IGSF8: variants seen among roughly 807,000 people sequenced by gnomAD.
IGSF8 encodes the protein CD81 partner 3.
In IGSF8, 46 loss-of-function variants were observed where a neutral mutation model predicts 55.5. That is an observed-to-expected ratio of 0.83 (90% CI 0.65 to 1.06). The LOEUF is 1.06. Ranked by LOEUF, IGSF8 falls within the 50% of genes least tolerant of loss-of-function variation. IGSF8 has a pLI of 0.00. For synonymous variants in IGSF8, 314 were observed against 356.1 expected, an observed-to-expected ratio of 0.88 and a Z score of 1.33; for missense variants, 731 against 832.3, an observed-to-expected ratio of 0.88 and a Z score of 1.50.
At chr1:160,092,030 C>T in intron 5 of IGSF8, 92 bp from the exon 6 acceptor site, 1 of 929,886 alleles carries the variant, frequency 1.1e-6, no homozygotes, top group Non-Finnish European at 1.7e-6. Context: ...TTCTCTGAAC[C>T]CACCTTCTCC....
At position 160,093,109 on chromosome 1, in the gene IGSF8, C is replaced by A; in HGVS notation, c.1127G>T (p.Gly376Val). 6.2e-7 allele frequency: 1 copy of A among 1,613,856 alleles called. No individual in the cohort carries two copies. Among genetic ancestry groups the A allele is most frequent in the Non-Finnish European group, 8.5e-7 (1 of 1,179,784 alleles). ...CACCTTCTCCATGGCAATGTGTCGG[C>A]CCTCATAGCCAGGGCCCAGGCTGCC... The part of the protein sequence containing the change: ...GVGSLGPGYE[G>V]RHIAMEKVAS... Residue 376 changes from glycine to valine, a missense_variant, in exon 4 of 7, where the codon GGC becomes GTC. Gly to Val is a moderately radical substitution (Grantham distance 109, BLOSUM62 -3). Coordinates refer to ENST00000314485, the MANE Select transcript of IGSF8 (RefSeq NM_052868.6).
chr1:160,098,036 G>C, intron 1 of IGSF8: 1 of 962,286 alleles, frequency 1.0e-6, no homozygotes, highest in Non-Finnish European at 1.2e-6. Flanking sequence ...TGCCCTCGTA[G>C]GGCGGGCACC....
rs140793143 is a variant in IGSF8, at chr1:160,094,888, G to A, written c.423C>T (p.Ser141=). ...STDTRYLGSY[S]GKVELRVLPD... ...CAGTACCTCTCAGCTCCACCTTGCCGCTGTAGCTGCCCAGGTAGCGGGTAT... is the reference window on the plus strand; with the variant it reads ...CAGTACCTCTCAGCTCCACCTTGCCACTGTAGCTGCCCAGGTAGCGGGTAT... Residue 141 remains serine (S), a synonymous_variant, in exon 2 of 7, where the codon AGC becomes AGT. Transcript: ENST00000314485. The surrounding 1 kb of genome is among the most constrained non-coding windows in gnomAD (Gnocchi z 4.0). 633 of 1,612,858 alleles carry A rather than the reference G, an allele frequency of 3.9e-4. No individual in the cohort carries two copies. The highest frequency in any genetic ancestry group is 5.1e-4 in the Non-Finnish European group (596 of 1,179,326).
In IGSF8 at chr1:160,091,823, T is replaced by A. The variant is rs1649974908; in HGVS notation, c.1842A>T (p.Ter614CysextTer35). The A allele has an allele frequency of 6.2e-7, 1 of 1,609,298 alleles. No individual in the cohort carries two copies. Among genetic ancestry groups the A allele is most frequent in the Non-Finnish European group, 8.5e-7 (1 of 1,175,854 alleles). The change falls in exon 6 of 7, where the codon TGA becomes TGT. Residue 614 changes from the stop codon to cysteine (C), a stop_lost. Coordinates refer to ENST00000314485, the MANE Select transcript of IGSF8 (RefSeq NM_052868.6). ...TTTCCCTCACCTGGGGAGTAAGGGA[T>A]CACCGTTTTCGAAGCCTCTTCATGA... ...CCFMKRLRKR* is the reference protein window; with the variant it reads ...CCFMKRLRKRC
Position 160,098,522 on chromosome 1 carries a change from G to C in IGSF8, c.-50C>G, listed in dbSNP as rs1365582667. ...CTCCGGGGGATGGCGCGGGTTCTGG[G>C]GGGCCGGAAGGGTGGGGGGCGCATG... On this transcript the variant is annotated 5_prime_UTR_variant, in exon 1 of 7. Transcript: ENST00000314485. 9 of 1,394,390 alleles carry C rather than the reference G, an allele frequency of 6.5e-6. No individual in the cohort carries two copies. Among genetic ancestry groups the C allele is most frequent in the Non-Finnish European group, 8.7e-6 (9 of 1,030,012 alleles). 86.4% of individuals were successfully genotyped at this position (1,394,390 alleles called of 1,614,324 possible).
At chr1:160,096,220 C>T (rs1354042286) in intron 1 of IGSF8, among the ~76,000 whole-genome samples, 2 of 152,088 alleles carry the variant, frequency 1.3e-5, no homozygotes, top group African/African-American at 4.8e-5. Flanking sequence ...TTCCATAGCT[C>T]CCACTAGATA....
At position 160,098,595 on chromosome 1, in the gene IGSF8, G is replaced by A. The variant is rs1650621337; in HGVS notation, c.-123C>T. ...GGGCAGCGAGGCGTGGGTGCGCCGAGCGAGCTGAACTGGAGCTGCCGAATC... is the reference window on the plus strand; with the variant it reads ...GGGCAGCGAGGCGTGGGTGCGCCGAACGAGCTGAACTGGAGCTGCCGAATC... On this transcript the variant is annotated 5_prime_UTR_variant, in exon 1 of 7. Coordinates refer to ENST00000314485, the MANE Select transcript of IGSF8 (RefSeq NM_052868.6). The A allele has an allele frequency of 4.6e-6, 3 of 649,458 alleles. No individual in the cohort carries two copies. The highest frequency in any genetic ancestry group is 3.0e-5 in the East Asian group (1 of 33,176). The allele number at this position is 649,458 out of a possible 1,614,324, so 40.2% of individuals were successfully genotyped here.
chr1:160,099,110 C>CCCCTGG (rs1650670117), upstream of IGSF8, among the ~76,000 whole-genome samples: 1 of 151,146 alleles, frequency 6.6e-6, no homozygotes, highest in Non-Finnish European at 1.5e-5. Context: ...CCTCGCCCCG[C>CCCCTGG]CCCTGGCCCT....
upstream of IGSF8, among the ~76,000 whole-genome samples, chr1:160,099,393 C>T (rs1285211209): frequency 6.6e-6 from 1 of 152,230 alleles, no homozygotes; most frequent in Non-Finnish European, 1.5e-5. Context: ...AGCTGAAGGG[C>T]GCTTCCAGGA....
Position 160,092,603 on chromosome 1 carries a change from C to G in IGSF8, c.1405G>C (p.Gly469Arg), listed in dbSNP as rs771678525. Residue 469 changes from glycine (G) to arginine (R), a missense_variant, in exon 5 of 7, where the codon GGC becomes CGC. Coordinates refer to ENST00000314485, the MANE Select transcript of IGSF8 (RefSeq NM_052868.6). ...SLLCNISVRG[G>R]PPGLRLAASW... ...GCGGCCAGCCGCAGTCCTGGGGGGC[C>G]ACCCCGCACAGAGATGTTGCACAGC... The G allele has an allele frequency of 1.5e-5, 24 of 1,607,128 alleles. No homozygotes were observed. The highest frequency in any genetic ancestry group is 2.0e-5 in the Non-Finnish European group (24 of 1,179,858).
Position 160,094,947 on chromosome 1 carries a change from C to T in IGSF8, c.364G>A (p.Ala122Thr). The T allele has an allele frequency of 6.2e-7, 1 of 1,614,088 alleles. No homozygotes were observed. Among genetic ancestry groups the T allele is most frequent in the Non-Finnish European group, 8.5e-7 (1 of 1,180,024 alleles). Residue 122 changes from alanine (A) to threonine (T), a missense_variant, in exon 2 of 7, where the codon GCC becomes ACC. Physicochemically the swap from Ala to Thr is moderately conservative, Grantham distance 58. Transcript: ENST00000314485. This position sits in a 1 kb window ranked among gnomAD's most constrained non-coding sequence, Gnocchi z 4.0. ...LKIARLQAQD[A>T]GIYECHTPST... is the part of the protein sequence containing the mutation. ...GGGGTGTGGCACTCATAAATGCCGG[C>T]ATCCTGGGCCTGCAGGCGGGCAATC... is the stretch of plus-strand genomic sequence containing the variant.
In IGSF8 at chr1:160,094,562, G is replaced by A. The variant is rs1299264149; in HGVS notation, c.442+307C>T. Among the ~76,000 whole-genome samples, 1 of 152,012 alleles carries A rather than the reference G, an allele frequency of 6.6e-6. No individual in the cohort carries two copies. Among genetic ancestry groups the A allele is most frequent in the Non-Finnish European group, 1.5e-5 (1 of 68,018 alleles). On this transcript the variant is annotated intron_variant, in intron 2 of 6. Coordinates refer to ENST00000314485, the MANE Select transcript of IGSF8 (RefSeq NM_052868.6). The surrounding 1 kb of genome is among the most constrained non-coding windows in gnomAD (Gnocchi z 4.0). The stretch of plus-strand genomic sequence containing the variant: ...GGGTCCTGTACTGTCCAGGAGTAGA[G>A]GCTATTCAACCCAACAGTCTTCTTC...
chr1:160,095,739 C>T (rs901057502), intron 1 of IGSF8, among the ~76,000 whole-genome samples: 9 of 152,216 alleles, frequency 5.9e-5, no homozygotes, highest in East Asian at 3.8e-4. Context: ...GTCACCTGGG[C>T]GAGACAATGG....
At chr1:160,098,743 C>T (rs899161714), upstream of IGSF8, 7 of 400,566 alleles carry the variant, frequency 1.7e-5, no homozygotes, top group African/African-American at 5.0e-5. Flanking sequence ...CCGCCCCGGA[C>T]CCAGCCTTGG....
Position 160,094,723 on chromosome 1 carries a change from G to T in IGSF8, c.442+146C>A. ...GTCCCACATCAGCCACTGAGTTATT[G>T]GGTGACTTTGTGCAAATCACTTAAC... On this transcript the variant is annotated intron_variant, in intron 2 of 6. Transcript: ENST00000314485. The surrounding 1 kb of genome is among the most constrained non-coding windows in gnomAD (Gnocchi z 4.0). 1.2e-6 allele frequency: 1 copy of T among 850,214 alleles called. No homozygotes were observed. The highest frequency in any genetic ancestry group is 1.8e-6 in the Non-Finnish European group (1 of 557,342). The allele number at this position is 850,214 out of a possible 1,614,324, so 52.7% of individuals were successfully genotyped here. A position where few individuals can be genotyped will look rare whatever the true frequency, so the allele number is the denominator to read the frequency against.
rs558551174 is a variant in IGSF8 at position 160,092,317 on chromosome 1, C to T, written c.1691G>A (p.Arg564His). The T allele has an allele frequency of 9.9e-6, 16 of 1,613,974 alleles. No homozygotes were observed. Among genetic ancestry groups the T allele is most frequent in the South Asian group, 2.2e-5 (2 of 91,090 alleles). ...GGGGTAGACTGTAACAGGCCCTGAG[C>T]GGGCACTGCCCGCCTGGTACCAGCT... ...DYSWYQAGSA[R>H]SGPVTVYPYM... Residue 564 changes from arginine to histidine, a missense_variant, in exon 5 of 7, where the codon CGC becomes CAC. Physicochemically the swap from Arg to His is conservative, Grantham distance 29. Transcript: ENST00000314485.
chr1:160,095,163 T>G lies in IGSF8; in HGVS notation c.148A>C (p.Asn50His), dbSNP rs1258464845. 6.2e-7 allele frequency: 1 copy of G among 1,613,068 alleles called. No homozygotes were observed. Among genetic ancestry groups the G allele is most frequent in the Non-Finnish European group, 8.5e-7 (1 of 1,180,014 alleles). Residue 50 changes from asparagine (N) to histidine (H), a missense_variant, in exon 2 of 7, where the codon AAT (asparagine) becomes CAT (histidine). By Grantham distance (68) the Asn-to-His change is moderately conservative (BLOSUM62 1). Coordinates refer to ENST00000314485, the MANE Select transcript of IGSF8 (RefSeq NM_052868.6). ...GCAGGGCCCTCATAGCCGGTCACATTGCAGGAGATGGAGACAGCTGTGCCA... is the reference window on the plus strand; with the variant it reads ...GCAGGGCCCTCATAGCCGGTCACATGGCAGGAGATGGAGACAGCTGTGCCA... ...VAGTAVSISC[N>H]VTGYEGPAQQ...
rs372342049 is a variant in IGSF8 at position 160,094,920 on chromosome 1, A to G, written c.391T>C (p.Ser131Pro). Residue 131 changes from serine (S) to proline (P), a missense_variant, in exon 2 of 7, where the codon TCC (serine) becomes CCC (proline). By Grantham distance (74) the Ser-to-Pro change is moderately conservative. Transcript: ENST00000314485. This position sits in a 1 kb window ranked among gnomAD's most constrained non-coding sequence, Gnocchi z 4.0. ...DAGIYECHTP[S>P]TDTRYLGSYS... ...CTGCCCAGGTAGCGGGTATCAGTGGAGGGGGTGTGGCACTCATAAATGCCG... is the reference window on the plus strand; with the variant it reads ...CTGCCCAGGTAGCGGGTATCAGTGGGGGGGGTGTGGCACTCATAAATGCCG... 6.2e-7 allele frequency: 1 copy of G among 1,613,772 alleles called. No individual in the cohort carries two copies. The highest frequency in any genetic ancestry group is 8.5e-7 in the Non-Finnish European group (1 of 1,179,966).
Position 160,092,665 on chromosome 1 carries a change from G to A in IGSF8, c.1343C>T (p.Ala448Val). ...GVVLEAVAWLAGGTVYRGETA... is the reference protein window; with the variant it reads ...GVVLEAVAWLVGGTVYRGETA... Reference sequence around the variant, plus strand: ...CTCCCCGCGGTACACTGTGCCTCCTGCTAGCCATGCCACAGCCTCCAGCAC... The same window carrying A: ...CTCCCCGCGGTACACTGTGCCTCCTACTAGCCATGCCACAGCCTCCAGCAC... The change falls in exon 5 of 7, where the codon GCA (alanine) becomes GTA (valine). Residue 448 changes from alanine (A) to valine (V), a missense_variant. By Grantham distance (64) the Ala-to-Val change is moderately conservative. Transcript: ENST00000314485. 6.2e-7 allele frequency: 1 copy of A among 1,600,530 alleles called. No homozygotes were observed. The highest frequency in any genetic ancestry group is 1.1e-5 in the South Asian group (1 of 91,088).
Sources: allele counts gnomAD v4.1 joint callset (sites outside exome capture counted in the v4.1 genomes callset), GRCh38; gene constraint gnomAD v4.1.1; non-coding constraint Gnocchi (gnomAD v3.1); transcripts MANE v1.5; gene names NCBI Gene and HGNC (gene_info 2026-07-23, HGNC 2026-07-21).